Variants in TYW1 observed in about 807,000 individuals in gnomAD.
TYW1 encodes the protein S-adenosyl-L-methionine-dependent tRNA 4-demethylwyosine synthase TYW1.
TYW1 carries 46 observed loss-of-function variants against 96.2 expected under a neutral mutation model. The observed-to-expected ratio is 0.48, with a 90% CI of 0.38 to 0.61. The LOEUF (loss-of-function observed/expected upper bound fraction) is 0.61. Ranked by LOEUF, TYW1 falls within the 20% of genes least tolerant of loss-of-function variation. The pLI is 0.00. For synonymous variants in TYW1, 274 were observed against 323.0 expected, an observed-to-expected ratio of 0.85 and a Z score of 1.63; for missense variants, 684 against 909.6, an observed-to-expected ratio of 0.75 and a Z score of 3.19.
At chr7:67,022,584 C>T (rs565615207) in intron 6 of TYW1, among the ~76,000 whole-genome samples, 1 of 152,122 alleles carries the variant, frequency 6.6e-6, no homozygotes, top group South Asian at 2.1e-4. Context: ...TATATTTAGA[C>T]AAACTGGTTG....
At chr7:67,153,510 GTACA>G (rs1798868234) in intron 13 of TYW1, among the ~76,000 whole-genome samples, 2 of 152,166 alleles carry the variant, frequency 1.3e-5, no homozygotes, top group African/African-American at 4.8e-5. Flanking sequence ...ATGTATATTT[GTACA>G]TACATAGCCA....
At chr7:67,143,677 G>A (rs1441308999) in intron 13 of TYW1, among the ~76,000 whole-genome samples, 1 of 152,200 alleles carries the variant, frequency 6.6e-6, no homozygotes, top group Non-Finnish European at 1.5e-5. Context: ...GGGGTGTTGA[G>A]AAGGAGTTTT....
At chr7:67,234,041 T>C (rs1390713722) in intron 15 of TYW1, among the ~76,000 whole-genome samples, 1 of 135,276 alleles carries the variant, frequency 7.4e-6, no homozygotes. Context: ...ATAGGATCAG[T>C]GTCTTTATAA....
At chr7:67,057,680 T>C (rs1795566185) in intron 9 of TYW1, among the ~76,000 whole-genome samples, 3 of 152,092 alleles carry the variant, frequency 2.0e-5, no homozygotes. Context: ...CAAGAACATC[T>C]TGTGTTGTGC....
chr7:67,192,325 A>C lies in TYW1; in HGVS notation c.1810-2845A>C, dbSNP rs191768725. ...GCAGGCATTCTCTCATTCCATTCCC[A>C]AACTAAATCTCCCCTCAGTGCTTCA... On this transcript the variant is annotated intron_variant, in intron 14 of 15. Transcript: ENST00000359626. 1.7e-3 allele frequency among the ~76,000 whole-genome samples: 263 copies of C among 152,340 alleles called. 1 individual carries two copies. Among genetic ancestry groups the C allele is most frequent in the Non-Finnish European group, 3.1e-3 (210 of 68,032 alleles).
intron 11 of TYW1, among the ~76,000 whole-genome samples, chr7:67,089,816 T>C (rs1796657650): frequency 6.6e-6 from 1 of 152,226 alleles, no homozygotes; most frequent in South Asian, 2.1e-4. Flanking sequence ...ACATACAAAA[T>C]TAACTTTGCA....
intron 13 of TYW1, among the ~76,000 whole-genome samples, chr7:67,177,104 C>A (rs1036786571): frequency 2.6e-5 from 4 of 152,166 alleles, no homozygotes; most frequent in Non-Finnish European, 4.4e-5. Context: ...ATAGAAAAAA[C>A]CAGAAGCAGA....
At chr7:67,071,651 C>T (rs566599115) in intron 10 of TYW1, among the ~76,000 whole-genome samples, 10 of 151,114 alleles carry the variant, frequency 6.6e-5, no homozygotes, top group African/African-American at 1.9e-4. Flanking sequence ...GACAGAGTCT[C>T]GCTCTGTCAC....
At position 67,117,587 on chromosome 7, in the gene TYW1, TC is replaced by T. The variant is rs1222667047; in HGVS notation, c.1669del (p.Asp558ThrfsTer3). On this transcript the variant is annotated frameshift_variant, in exon 13 of 16. Transcript: ENST00000359626. LOFTEE classifies it high-confidence loss of function. ...RPLFKDFWQR[F>X]LDSLKALAVK... ...CTCTTCAAGGATTTCTGGCAGAGAT[TC>T]CTTGACAGTTTAAAAGCCTTGGCAG... 1 of 1,613,362 alleles carries T rather than the reference TC, an allele frequency of 6.2e-7. No homozygotes were observed. The highest frequency in any genetic ancestry group is 2.2e-5 in the East Asian group (1 of 44,886).
chr7:67,014,989 C>T (rs1309330720), intron 5 of TYW1, among the ~76,000 whole-genome samples: 2 of 149,930 alleles, frequency 1.3e-5, no homozygotes, highest in African/African-American at 4.9e-5. Flanking sequence ...AGTGAGCCAC[C>T]GTGCCCGGCC....
chr7:67,115,673 C>T (rs1488881411), intron 12 of TYW1, among the ~76,000 whole-genome samples: 2 of 152,070 alleles, frequency 1.3e-5, no homozygotes, highest in Non-Finnish European at 2.9e-5. Context: ...TAATATCTGC[C>T]TGTGTGGCTG....
At position 67,183,214 on chromosome 7, in the gene TYW1, A is replaced by C. The variant is rs192287125; in HGVS notation, c.1787A>C (p.Asn596Thr). The C allele has an allele frequency of 1.0e-4, 166 of 1,606,304 alleles. No homozygotes were observed. The East Asian group carries it at 2.9e-3, about 28-fold the overall frequency. Residue 596 changes from asparagine (N) to threonine (T), a missense_variant, in exon 14 of 16, where the codon AAT becomes ACT. Physicochemically the swap from Asn to Thr is moderately conservative, Grantham distance 65. Coordinates refer to ENST00000359626, the MANE Select transcript of TYW1 (RefSeq NM_018264.4). ...QAYAQLVSLGNPDFIEVKGVT... is the reference protein window; with the variant it reads ...QAYAQLVSLGTPDFIEVKGVT... The stretch of plus-strand genomic sequence containing the variant: ...TACGCGCAGCTCGTGTCCCTGGGGA[A>C]TCCTGACTTCATCGAAGTGAAGGTA...
At chr7:67,077,054 G>A (rs1476614035) in intron 10 of TYW1, among the ~76,000 whole-genome samples, 12 of 152,106 alleles carry the variant, frequency 7.9e-5, no homozygotes, top group African/African-American at 2.7e-4. Context: ...GATTACAGGC[G>A]TGACCCACTA....
At chr7:67,118,249 C>T (rs1457255137) in intron 13 of TYW1, among the ~76,000 whole-genome samples, 1 of 152,104 alleles carries the variant, frequency 6.6e-6, no homozygotes, top group Non-Finnish European at 1.5e-5. Context: ...ATCACTTGAA[C>T]CTGGGAGGTG....
intron 9 of TYW1, among the ~76,000 whole-genome samples, chr7:67,057,947 T>C (rs1001210638): frequency 2.6e-5 from 4 of 152,200 alleles, no homozygotes; most frequent in Non-Finnish European, 4.4e-5. Context: ...TTTTAAGACA[T>C]TTCTGCCAAC....
chr7:67,147,794 G>C (rs1428598093), intron 13 of TYW1, among the ~76,000 whole-genome samples: 1 of 152,052 alleles, frequency 6.6e-6, no homozygotes, highest in Admixed American at 6.6e-5. Context: ...CTGCTTATAA[G>C]GACAAAGGGG....
intron 13 of TYW1, among the ~76,000 whole-genome samples, chr7:67,164,571 A>G (rs1799263102): frequency 6.6e-6 from 1 of 150,438 alleles, no homozygotes; most frequent in Non-Finnish European, 1.5e-5. Flanking sequence ...TGATGGCACT[A>G]TTGCATTCCA....
chr7:67,217,177 A>T (rs1187669282), intron 15 of TYW1, among the ~76,000 whole-genome samples: 1 of 151,922 alleles, frequency 6.6e-6, no homozygotes, highest in Admixed American at 6.6e-5. Context: ...CCCTTACCAG[A>T]TACATCATTT....
intron 14 of TYW1, among the ~76,000 whole-genome samples, chr7:67,191,292 C>T (rs1365056271): frequency 6.6e-6 from 1 of 152,198 alleles, no homozygotes; most frequent in Non-Finnish European, 1.5e-5. Context: ...GCCCCCATCT[C>T]CTAGGGCAGT....
Sources: allele counts gnomAD v4.1 joint callset (sites outside exome capture counted in the v4.1 genomes callset), GRCh38; gene constraint gnomAD v4.1.1; transcripts MANE v1.5; gene names NCBI Gene and HGNC (gene_info 2026-07-23, HGNC 2026-07-21).